PDE8A: variants seen among roughly 807,000 people sequenced by gnomAD.
PDE8A encodes the protein high affinity cAMP-specific and IBMX-insensitive 3',5'-cyclic phosphodiesterase 8A.
A neutral mutation model predicts 105.0 loss-of-function variants in PDE8A; 59 were observed. The ratio of observed to expected loss-of-function variants is 0.56; its 90% CI spans 0.46 to 0.70. The LOEUF (loss-of-function observed/expected upper bound fraction) is 0.70. Ranked by LOEUF, PDE8A falls within the 30% of genes least tolerant of loss-of-function variation. PDE8A has a pLI of 0.00. For synonymous variants in PDE8A, 355 were observed against 371.9 expected (o/e 0.95, Z 0.52); for missense variants, 1,014 against 1,045.9 (o/e 0.97, Z 0.42).
At chr15:85,085,092 A>AC (rs1242311915) in intron 6 of PDE8A, among the ~76,000 whole-genome samples, 2 of 152,042 alleles carry the variant, frequency 1.3e-5, no homozygotes, top group Non-Finnish European at 2.9e-5. Context: ...GTTCTATGAC[A>AC]CCCCAGATAG....
At chr15:85,101,712 T>C (rs1005992663) in intron 11 of PDE8A, among the ~76,000 whole-genome samples, 1 of 151,864 alleles carries the variant, frequency 6.6e-6, no homozygotes, top group Non-Finnish European at 1.5e-5. Context: ...AAGAAAACAA[T>C]GGCCAGGGAA....
Position 84,993,169 on chromosome 15 carries a change from C to A in PDE8A, c.186+10821C>A, listed in dbSNP as rs372330150. 6.6e-5 allele frequency among the ~76,000 whole-genome samples: 10 copies of A among 152,226 alleles called. No individual in the cohort carries two copies. In the East Asian group the frequency reaches 1.9e-3, roughly 29 times the overall value. On this transcript the variant is annotated intron_variant, in intron 1 of 21. Transcript: ENST00000394553. Reference sequence around the variant, plus strand: ...TAGAAAAGAACAAGGATCGGCTGGGCGTGGTGGCTCATGCCTGTAATCCCA... The same window carrying A: ...TAGAAAAGAACAAGGATCGGCTGGGAGTGGTGGCTCATGCCTGTAATCCCA...
At chr15:85,080,395 C>T (rs910754101) in intron 5 of PDE8A, among the ~76,000 whole-genome samples, 1 of 152,170 alleles carries the variant, frequency 6.6e-6, no homozygotes, top group Non-Finnish European at 1.5e-5. Flanking sequence ...TCATCCCTCC[C>T]TAAGCTGCTT....
chr15:85,069,494 C>A (rs765466631), intron 3 of PDE8A, among the ~76,000 whole-genome samples: 10 of 152,290 alleles, frequency 6.6e-5, no homozygotes, highest in African/African-American at 9.6e-5. Context: ...TGTGTCCCCC[C>A]ACCCCAGACA....
At chr15:85,094,602 T>G (rs549094565) in intron 8 of PDE8A, among the ~76,000 whole-genome samples, 113 of 152,338 alleles carry the variant, frequency 7.4e-4, no homozygotes, top group Non-Finnish European at 1.4e-3. Flanking sequence ...CTCTTCCAAA[T>G]CCTGCTGTCT....
At chr15:85,136,111 C>G (rs1291684689) in intron 20 of PDE8A, among the ~76,000 whole-genome samples, 1 of 151,364 alleles carries the variant, frequency 6.6e-6, no homozygotes, top group Non-Finnish European at 1.5e-5. Context: ...ACAGCAGTTA[C>G]GTCTCACTCC....
chr15:84,986,760 C>T (rs2079808620), intron 1 of PDE8A, among the ~76,000 whole-genome samples: 1 of 151,912 alleles, frequency 6.6e-6, no homozygotes, highest in East Asian at 1.9e-4. Context: ...TACAGGTGCG[C>T]ACCATGCATG....
At chr15:85,124,183 CA>C (rs2082225516) in intron 19 of PDE8A, among the ~76,000 whole-genome samples, 1 of 152,292 alleles carries the variant, frequency 6.6e-6, no homozygotes, top group Admixed American at 6.5e-5. Context: ...ACCCTCTCAC[CA>C]GGCAGGAGTC....
At chr15:85,118,169 C>T (rs947255657) in intron 17 of PDE8A, among the ~76,000 whole-genome samples, 19 of 152,144 alleles carry the variant, frequency 1.2e-4, no homozygotes, top group African/African-American at 4.3e-4. Flanking sequence ...TGTTGGATAT[C>T]CCCACTTTAG....
upstream of PDE8A, chr15:84,980,502 G>A (rs1385384364): frequency 2.0e-5 from 3 of 152,382 alleles, no homozygotes; most frequent in East Asian, 1.9e-4. Context: ...CGCTAGGAAA[G>A]GTGTGGACGG....
At chr15:85,117,617 T>C in intron 16 of PDE8A, 24 bp from the exon 17 acceptor site, 1 of 1,599,470 alleles carries the variant, frequency 6.3e-7, no homozygotes, top group Non-Finnish European at 8.6e-7. Flanking sequence ...TGTTCTAATA[T>C]TGTGGGGTTT....
chr15:85,105,364 G>A (rs747317521), intron 11 of PDE8A, among the ~76,000 whole-genome samples: 7 of 152,120 alleles, frequency 4.6e-5, no homozygotes, highest in Non-Finnish European at 1.0e-4. Flanking sequence ...GCAAATGCTT[G>A]TTGATAGTGC....
chr15:85,127,025 G>T (rs1327522161), intron 20 of PDE8A, among the ~76,000 whole-genome samples: 4 of 152,072 alleles, frequency 2.6e-5, no homozygotes, highest in African/African-American at 9.7e-5. Flanking sequence ...GTGAGACCTT[G>T]TCTCTACAAA....
At chr15:85,061,469 G>A (rs2081144600) in intron 1 of PDE8A, among the ~76,000 whole-genome samples, 1 of 151,848 alleles carries the variant, frequency 6.6e-6, no homozygotes, top group Non-Finnish European at 1.5e-5. Context: ...CGAATTCCTG[G>A]CCTCAGGTGA....
Position 85,090,431 on chromosome 15 carries a change from T to TC in PDE8A, c.715-610dup, listed in dbSNP as rs533891513. On this transcript the variant is annotated intron_variant, in intron 7 of 21. Coordinates refer to ENST00000394553, the MANE Select transcript of PDE8A (RefSeq NM_002605.3). ...ATCATCATTAGCACGTGCACAGTTT[T>TC]CCCATGTATTTTCTGCTTATCTTAC... Among the ~76,000 whole-genome samples, 17 of 152,302 alleles carry TC rather than the reference T, an allele frequency of 1.1e-4. No homozygotes were observed. In the East Asian group the frequency reaches 2.9e-3, roughly 26 times the overall value.
At chr15:85,086,592 T>TAAAG (rs2081556623) in intron 6 of PDE8A, among the ~76,000 whole-genome samples, 1 of 152,120 alleles carries the variant, frequency 6.6e-6, no homozygotes, top group Non-Finnish European at 1.5e-5. Context: ...ACCTCACTAA[T>TAAAG]AAAGACATGC....
intron 17 of PDE8A, chr15:85,120,526 T>C: frequency 3.3e-6 from 1 of 301,430 alleles, no homozygotes; most frequent in Non-Finnish European, 6.1e-6. Flanking sequence ...TGGTGATGGG[T>C]CTAGAGAAAG....
chr15:85,112,923 A>G (rs533261399), intron 12 of PDE8A, among the ~76,000 whole-genome samples: 1 of 152,330 alleles, frequency 6.6e-6, no homozygotes, highest in Non-Finnish European at 1.5e-5. Context: ...GGTACCTTGA[A>G]AAATTTAACC....
chr15:85,126,419 A>G, intron 20 of PDE8A, 45 bp downstream of exon 20: 1 of 1,314,830 alleles, frequency 7.6e-7, no homozygotes, highest in South Asian at 2.1e-5. Context: ...GAGAGAGTTA[A>G]AACCCATAAA....
Sources: gnomAD v4.1 joint callset for allele counts (sites outside exome capture counted in the v4.1 genomes callset) on GRCh38, gnomAD v4.1.1 for gene constraint, MANE v1.5 for transcripts, NCBI Gene and HGNC (gene_info 2026-07-23, HGNC 2026-07-21) for gene names.